Variants in PLCB1 observed in about 807,000 individuals in gnomAD.
The protein encoded by PLCB1 is 1-phosphatidylinositol 4,5-bisphosphate phosphodiesterase beta-1.
In PLCB1, 46 loss-of-function variants were observed where a neutral mutation model predicts 161.8. That is an observed-to-expected ratio of 0.28 (90% CI 0.22 to 0.36). The LOEUF is 0.36. PLCB1 is among the 10% of genes least tolerant of loss of function. PLCB1 has a pLI of 1.00. For missense variants in PLCB1, 1,016 were observed against 1,472.5 expected, an observed-to-expected ratio of 0.69 and a Z score of 5.07; for synonymous variants, 517 against 503.7, an observed-to-expected ratio of 1.03 and a Z score of -0.35.
chr20:8,757,529 A>G (rs913191957), intron 24 of PLCB1, among the ~76,000 whole-genome samples: 1 of 152,160 alleles, frequency 6.6e-6, no homozygotes, highest in Non-Finnish European at 1.5e-5. Flanking sequence ...GTCTTGCTTC[A>G]TTAATTCTGT....
At chr20:8,312,775 A>G (rs1984464084) in intron 2 of PLCB1, among the ~76,000 whole-genome samples, 1 of 152,154 alleles carries the variant, frequency 6.6e-6, no homozygotes, top group Non-Finnish European at 1.5e-5. Context: ...ACCTTGAGTT[A>G]TTAGAATATG....
intron 3 of PLCB1, among the ~76,000 whole-genome samples, chr20:8,439,653 T>C (rs11907849): frequency 0.14 from 21,905 of 152,212 alleles, 1,899 homozygotes; most frequent in African/African-American, 0.24. Context: ...AATATTTGGG[T>C]GGCATATGGA....
At chr20:8,709,082 C>G (rs1225589373) in intron 12 of PLCB1, among the ~76,000 whole-genome samples, 2 of 152,128 alleles carry the variant, frequency 1.3e-5, no homozygotes, top group African/African-American at 4.8e-5. Context: ...TTTTATAACC[C>G]TTCTTCATTA....
chr20:8,308,235 A>T (rs1183228377), intron 2 of PLCB1, among the ~76,000 whole-genome samples: 1 of 151,980 alleles, frequency 6.6e-6, no homozygotes, highest in African/African-American at 2.4e-5. Flanking sequence ...TAATAAACAC[A>T]TATATAGCAC....
At chr20:8,268,324 C>T (rs1208635388) in intron 2 of PLCB1, among the ~76,000 whole-genome samples, 2 of 152,138 alleles carry the variant, frequency 1.3e-5, no homozygotes, top group Non-Finnish European at 2.9e-5. Flanking sequence ...GCATAGTATT[C>T]CATGGTATAT....
In PLCB1 at chr20:8,657,173, T is replaced by A; in HGVS notation, c.595-11T>A. On this transcript the variant is annotated splice_polypyrimidine_tract_variant and intron_variant, in intron 7 of 31. Coordinates refer to ENST00000338037, the MANE Select transcript of PLCB1 (RefSeq NM_015192.4). ...AAGACCATTTGCTGACTCCGTTGTT[T>A]TATTTCCCAGAATGATTCAATACCT... The A allele has an allele frequency of 6.5e-7, 1 of 1,534,028 alleles. No individual in the cohort carries two copies. The highest frequency in any genetic ancestry group is 9.0e-7 in the Non-Finnish European group (1 of 1,107,858).
At chr20:8,750,780 T>C (rs1306167374) in intron 23 of PLCB1, 1 of 1,232,984 alleles carries the variant, frequency 8.1e-7, no homozygotes, top group South Asian at 1.2e-5. Context: ...AAAGCTACTT[T>C]CTGACAATAT....
chr20:8,325,171 A>T (rs1985100309), intron 2 of PLCB1, among the ~76,000 whole-genome samples: 1 of 152,184 alleles, frequency 6.6e-6, no homozygotes, highest in Non-Finnish European at 1.5e-5. Flanking sequence ...GTGACTGAAA[A>T]CTATAGCACT....
At chr20:8,358,743 G>T (rs1986445317) in intron 2 of PLCB1, among the ~76,000 whole-genome samples, 1 of 152,026 alleles carries the variant, frequency 6.6e-6, no homozygotes, top group Non-Finnish European at 1.5e-5. Context: ...TGTCTTCAGG[G>T]TGCAATTGTA....
At chr20:8,284,795 C>T (rs1243871878) in intron 2 of PLCB1, among the ~76,000 whole-genome samples, 2 of 152,002 alleles carry the variant, frequency 1.3e-5, no homozygotes, top group Admixed American at 6.6e-5. Flanking sequence ...TCTTATTTCT[C>T]TTGGGTCTGC....
At chr20:8,385,803 C>T (rs1331797836) in intron 3 of PLCB1, among the ~76,000 whole-genome samples, 1 of 152,246 alleles carries the variant, frequency 6.6e-6, no homozygotes, top group African/African-American at 2.4e-5. Flanking sequence ...CACCACACCA[C>T]ACTGCTCTTC....
At chr20:8,274,579 A>G (rs1982438256) in intron 2 of PLCB1, among the ~76,000 whole-genome samples, 1 of 151,972 alleles carries the variant, frequency 6.6e-6, no homozygotes, top group Non-Finnish European at 1.5e-5. Context: ...AATAAGATCA[A>G]TGTTCTCCTG....
At chr20:8,881,328 C>CAT (rs1555797331) in intron 31 of PLCB1, among the ~76,000 whole-genome samples, 1 of 128,860 alleles carries the variant, frequency 7.8e-6, no homozygotes, top group Non-Finnish European at 1.8e-5. Flanking sequence ...TCAAAAGACC[C>CAT]GTGTGTGTGT....
intron 3 of PLCB1, among the ~76,000 whole-genome samples, chr20:8,615,649 C>G (rs1474046121): frequency 6.6e-6 from 1 of 152,016 alleles, no homozygotes; most frequent in African/African-American, 2.4e-5. Context: ...GACTTTAACA[C>G]AAGAATCAAA....
At chr20:8,724,629 T>G in intron 15 of PLCB1, 27 bp from the exon 16 acceptor site, 1 of 1,253,842 alleles carries the variant, frequency 8.0e-7, no homozygotes, top group Non-Finnish European at 1.2e-6. Context: ...ACTCTGGAAA[T>G]GTTTTCTTTT....
At position 8,823,256 on chromosome 20, in the gene PLCB1, G is replaced by C. The variant is rs143003839; in HGVS notation, c.3423+32995G>C. 1.1e-3 allele frequency among the ~76,000 whole-genome samples: 161 copies of C among 152,286 alleles called. 1 individual carries two copies. The highest frequency in any genetic ancestry group is 3.5e-3 in the African/African-American group (145 of 41,570). On this transcript the variant is annotated intron_variant, in intron 31 of 31. Transcript: ENST00000338037. Reference sequence around the variant, plus strand: ...TCCTGCCTCAGCCTCCCTGGTAGCTGAGATTACAGGCATGCGCCACTGCGC... The same window carrying C: ...TCCTGCCTCAGCCTCCCTGGTAGCTCAGATTACAGGCATGCGCCACTGCGC...
intron 3 of PLCB1, among the ~76,000 whole-genome samples, chr20:8,402,834 G>A (rs964069460): frequency 6.6e-6 from 1 of 151,780 alleles, no homozygotes; most frequent in Non-Finnish European, 1.5e-5. Flanking sequence ...AACAGAGCAA[G>A]ACTCCATCTC....
At chr20:8,362,498 C>T (rs1376216480) in intron 2 of PLCB1, among the ~76,000 whole-genome samples, 1 of 152,160 alleles carries the variant, frequency 6.6e-6, no homozygotes, top group Non-Finnish European at 1.5e-5. Flanking sequence ...ATTCATTTTA[C>T]CTCTTAATAA....
At chr20:8,773,081 G>A in intron 26 of PLCB1, among the ~76,000 whole-genome samples, 1 of 148,696 alleles carries the variant, frequency 6.7e-6, no homozygotes, top group African/African-American at 2.6e-5. Context: ...AGAAACTTGA[G>A]AAAATTCCGC....
Sources: gnomAD v4.1 joint callset for allele counts (sites outside exome capture counted in the v4.1 genomes callset) on GRCh38, gnomAD v4.1.1 for gene constraint, MANE v1.5 for transcripts, NCBI Gene and HGNC (gene_info 2026-07-23, HGNC 2026-07-21) for gene names.